The following IFT172 variants were observed in gnomAD, a reference collection of about 807,000 sequenced individuals.
IFT172 encodes the protein intraflagellar transport protein 172 homolog.
A neutral mutation model predicts 248.9 loss-of-function variants in IFT172; 164 were observed. The observed-to-expected ratio is 0.66, with a 90% CI of 0.58 to 0.75. The LOEUF is 0.75. IFT172 is among the 30% of genes least tolerant of loss of function. The pLI is 0.00. For missense variants in IFT172, 1,950 were observed against 2,192.4 expected (o/e 0.89, Z 2.21); for synonymous variants, 729 against 791.6 (o/e 0.92, Z 1.33).
chr2:27,472,300 C>A lies in IFT172; in HGVS notation c.1474G>T (p.Glu492Ter), dbSNP rs750169290. 1 of 1,614,142 alleles carries A rather than the reference C, an allele frequency of 6.2e-7. No individual in the cohort carries two copies. Among genetic ancestry groups the A allele is most frequent in the South Asian group, 1.1e-5 (1 of 91,078 alleles). The change falls in exon 15 of 48, where the codon GAA (glutamate) becomes TAA (stop). Residue 492 changes from glutamate (E) to a stop codon, truncating the protein, a stop_gained. Transcript: ENST00000260570. LOFTEE classifies it high-confidence loss of function. Reference protein sequence around the residue: ...VSHESRVDWLELNETGHKLLF... With the variant: ...VSHESRVDWL ...AGCTTGTGTCCAGTCTCATTAAGTT[C>A]CAGCCAATCCACACGGCTCTCATGG...
In IFT172 at chr2:27,449,545, T is replaced by C. The variant is rs1572722829; in HGVS notation, c.4178A>G (p.Asp1393Gly). 3 of 1,614,174 alleles carry C rather than the reference T, an allele frequency of 1.9e-6. No individual in the cohort carries two copies. The highest frequency in any genetic ancestry group is 2.5e-6 in the Non-Finnish European group (3 of 1,180,012). The change falls in exon 38 of 48, where the codon GAC (aspartate) becomes GGC (glycine). Residue 1393 changes from aspartate to glycine, a missense_variant. Transcript: ENST00000260570. ...ELDPRYEDYV[D>G]QHYKEFLKNQ... ...CTTGAGGAACTCTTTATAATGCTGG[T>C]CCACATAGTCTTCATACCTGTGAAG... is the stretch of plus-strand genomic sequence containing the variant.
chr2:27,483,861 C>A lies in IFT172; in HGVS notation c.402+11G>T. The A allele has an allele frequency of 6.2e-7, 1 of 1,608,122 alleles. No homozygotes were observed. On this transcript the variant is annotated intron_variant, in intron 5 of 47. Transcript: ENST00000260570. The stretch of plus-strand genomic sequence containing the variant: ...CCACCCCCTCTCTTGTGTTTCCCTT[C>A]CCTCTTTTACCTTCCCTTCAGCCAG...
chr2:27,481,310 G>GA, intron 7 of IFT172, 50 bp from the exon 8 acceptor site: 1 of 1,419,202 alleles, frequency 7.0e-7, no homozygotes, highest in Non-Finnish European at 9.8e-7. Flanking sequence ...CTCCACCCGA[G>GA]AAATTCCTCA....
Position 27,456,513 on chromosome 2 carries a change from A to G in IFT172, c.3369T>C (p.Asn1123=). Residue 1123 remains asparagine, a splice_region_variant and synonymous_variant, in exon 30 of 48, where the codon AAT becomes AAC. Transcript: ENST00000260570. The part of the protein sequence containing the change: ...LEAAVDHAAD[N]CSFEFAFELS... ...GGAGAGAAAGCTTGGGGCCTCACCA[A>G]TTGTCTGCAGCGTGGTCAACAGCAG... 1 of 1,612,950 alleles carries G rather than the reference A, an allele frequency of 6.2e-7. No individual in the cohort carries two copies. The highest frequency in any genetic ancestry group is 8.5e-7 in the Non-Finnish European group (1 of 1,179,644).
chr2:27,468,522 C>T lies in IFT172; in HGVS notation c.1692+2406G>A, dbSNP rs565128273. Among the ~76,000 whole-genome samples, 3 of 152,158 alleles carry T rather than the reference C, an allele frequency of 2.0e-5. No homozygotes were observed. In the South Asian group the frequency reaches 6.2e-4, roughly 32 times the overall value. On this transcript the variant is annotated intron_variant, in intron 16 of 47. Transcript: ENST00000260570. ...GTGCTGGAATTATATGTGTGAGCCACTGTGCCCGGTCCTAAAAAAGAAGAC... is the reference window on the plus strand; with the variant it reads ...GTGCTGGAATTATATGTGTGAGCCATTGTGCCCGGTCCTAAAAAAGAAGAC...
chr2:27,467,613 C>CAAAA (rs758559563), intron 16 of IFT172, among the ~76,000 whole-genome samples: 11 of 53,132 alleles, frequency 2.1e-4, no homozygotes, highest in African/African-American at 7.8e-4. Context: ...ACCCTGTCTC[C>CAAAA]AAAAAAAAAA....
At chr2:27,459,184 G>A (rs1378415476) in intron 25 of IFT172, 194 bp downstream of exon 25, 11 of 683,606 alleles carry the variant, frequency 1.6e-5, no homozygotes, top group Non-Finnish European at 2.6e-5. Context: ...TATATCTGGG[G>A]TGAAGGGCGA....
At chr2:27,480,439 A>G (rs1234763094) in intron 8 of IFT172, among the ~76,000 whole-genome samples, 1 of 152,166 alleles carries the variant, frequency 6.6e-6, no homozygotes, top group African/African-American at 2.4e-5. Flanking sequence ...GAACAAGGAG[A>G]TAAATGGTAG....
At chr2:27,479,090 C>T (rs543808970) in intron 10 of IFT172, among the ~76,000 whole-genome samples, 90 of 152,144 alleles carry the variant, frequency 5.9e-4, no homozygotes, top group Non-Finnish European at 1.0e-3. Context: ...CTGCAAGCTC[C>T]GCCTCCTGGG....
At position 27,453,455 on chromosome 2, in the gene IFT172, G is replaced by A. The variant is rs369191459; in HGVS notation, c.3880C>T (p.Arg1294Cys). Reference protein sequence around the residue: ...RHWEQAGEYSRAVDCYLKVRD... With the variant: ...RHWEQAGEYSCAVDCYLKVRD... The stretch of plus-strand genomic sequence containing the variant: ...ACTTTGAGGTAGCAGTCCACGGCAC[G>A]GCTGTACTCTCCAGCCTGCTCCCAG... The change falls in exon 35 of 48, where the codon CGT becomes TGT. Residue 1294 changes from arginine (R) to cysteine (C), a missense_variant. Physicochemically the swap from Arg to Cys is radical, Grantham distance 180. This residue lies in a region of IFT172 where 620 missense variants were observed against 699.0 expected (regional missense o/e 0.89). Transcript: ENST00000260570. 72 of 1,614,134 alleles carry A rather than the reference G, an allele frequency of 4.5e-5. No homozygotes were observed. Among genetic ancestry groups the A allele is most frequent in the Middle Eastern group, 3.3e-4 (2 of 6,062 alleles).
In IFT172 at chr2:27,447,636, T is replaced by A. The variant is rs766617765; in HGVS notation, c.4540-2A>T. ...ACTGGACTTCACCAGGTTTTCACAC[T>A]AGAGGAGGGAGACAGCACAGCCTGG... On this transcript the variant is annotated splice_acceptor_variant, in intron 41 of 47. Transcript: ENST00000260570. LOFTEE classifies it high-confidence loss of function. 6.2e-7 allele frequency: 1 copy of A among 1,614,014 alleles called. No individual in the cohort carries two copies. The highest frequency in any genetic ancestry group is 8.5e-7 in the Non-Finnish European group (1 of 1,180,002).
At chr2:27,485,195 G>GA (rs1388614256) in intron 2 of IFT172, 65 bp from the exon 3 acceptor site, 2 of 1,439,118 alleles carry the variant, frequency 1.4e-6, no homozygotes, top group Non-Finnish European at 9.6e-7. Context: ...AGAGAAAAGA[G>GA]AAAAAAAGGC....
intron 36 of IFT172, 29 bp from the exon 37 acceptor site, chr2:27,449,829 T>C (rs761986438): frequency 4.6e-6 from 7 of 1,528,968 alleles, no homozygotes; most frequent in Admixed American, 3.5e-5. Flanking sequence ...GCGTGGAGAC[T>C]TTCTCCTCGC....
At chr2:27,446,433 C>A in intron 42 of IFT172, 78 bp from the exon 43 acceptor site, 1 of 1,246,494 alleles carries the variant, frequency 8.0e-7, no homozygotes, top group Non-Finnish European at 1.2e-6. Context: ...GTAAGGCAGC[C>A]ACAGAACTAA....
intron 18 of IFT172, among the ~76,000 whole-genome samples, chr2:27,464,700 C>T (rs1462907365): frequency 1.3e-5 from 2 of 151,874 alleles, no homozygotes; most frequent in Non-Finnish European, 2.9e-5. Context: ...CTCACCGCAA[C>T]TTTGCCTCCC....
At chr2:27,450,210 C>T (rs1056205133) in intron 35 of IFT172, 114 bp from the exon 36 acceptor site, 2 of 764,888 alleles carry the variant, frequency 2.6e-6, no homozygotes, top group African/African-American at 1.7e-5. Flanking sequence ...TTCTCTTACT[C>T]TCCCCTTCAA....
chr2:27,477,685 A>G, intron 11 of IFT172, 73 bp from the exon 12 acceptor site: 1 of 1,080,694 alleles, frequency 9.3e-7, no homozygotes. Flanking sequence ...GAAGAATGAC[A>G]GGTTGGGAAG....
Position 27,485,137 on chromosome 2 carries a change from G to GT in IFT172, c.184-8dup. The GT allele has an allele frequency of 2.1e-6, 3 of 1,452,734 alleles. No homozygotes were observed. The highest frequency in any genetic ancestry group is 2.8e-6 in the Non-Finnish European group (3 of 1,054,236). 90.0% of individuals were successfully genotyped at this position (1,452,734 alleles called of 1,614,324 possible). A position where few individuals can be genotyped will look rare whatever the true frequency, so the allele number is the denominator to read the frequency against. On this transcript the variant is annotated splice_region_variant and splice_polypyrimidine_tract_variant and intron_variant, in intron 2 of 47. Coordinates refer to ENST00000260570, the MANE Select transcript of IFT172 (RefSeq NM_015662.3). The stretch of plus-strand genomic sequence containing the variant: ...TATAGCTCTTCCTGCCATACTAAGA[G>GT]TTTAAAAAAAAAAAAAGAAAGAAAA...
In IFT172 at chr2:27,461,430, C is replaced by G. The variant is rs376411555; in HGVS notation, c.2281G>C (p.Glu761Gln). The G allele has an allele frequency of 3.7e-6, 6 of 1,614,158 alleles. No individual in the cohort carries two copies. Among genetic ancestry groups the G allele is most frequent in the Non-Finnish European group, 5.1e-6 (6 of 1,180,016 alleles). Residue 761 changes from glutamate to glutamine, a missense_variant, in exon 22 of 48, where the codon GAG (glutamate) becomes CAG (glutamine). Physicochemically the swap from Glu to Gln is conservative, Grantham distance 29. Coordinates refer to ENST00000260570, the MANE Select transcript of IFT172 (RefSeq NM_015662.3). Reference protein sequence around the residue: ...QQEERAGELQESQGDGLAAIS... With the variant: ...QQEERAGELQQSQGDGLAAIS... ...GCTGCTAGCCCATCCCCTTGGCTCT[C>G]CTGTAGTTCACCTGCTCGCTCCTCT...
Sources: allele counts gnomAD v4.1 joint callset (sites outside exome capture counted in the v4.1 genomes callset), GRCh38; gene constraint gnomAD v4.1.1; regional missense constraint gnomAD v4.1.1; transcripts MANE v1.5; gene names NCBI Gene and HGNC (gene_info 2026-07-23, HGNC 2026-07-21).